CADPS: variants seen among roughly 807,000 people sequenced by gnomAD.
CADPS encodes the protein calcium-dependent secretion activator 1.
A neutral mutation model predicts 167.3 loss-of-function variants in CADPS; 57 were observed. The observed-to-expected ratio is 0.34, with a 90% CI of 0.28 to 0.42. CADPS has a LOEUF of 0.42. CADPS is among the 20% of genes least tolerant of loss of function. CADPS has a pLI of 1.00. For missense variants in CADPS, 1,414 were observed against 1,738.1 expected, an observed-to-expected ratio of 0.81 and a Z score of 3.32; for synonymous variants, 676 against 635.3, an observed-to-expected ratio of 1.06 and a Z score of -0.96.
In CADPS at chr3:62,569,000, C is replaced by T. The variant is rs189879600; in HGVS notation, c.1644+1872G>A. The stretch of plus-strand genomic sequence containing the variant: ...GTTCTCCATGTCCTCTCAATGCACT[C>T]CACACAAAGTAGGTGCTCAATAAAT... On this transcript the variant is annotated intron_variant, in intron 9 of 29. Coordinates refer to ENST00000383710, the MANE Select transcript of CADPS (RefSeq NM_003716.4). Among the ~76,000 whole-genome samples the T allele has an allele frequency of 7.2e-5, 11 of 152,332 alleles. No homozygotes were observed. The East Asian group carries it at 9.6e-4, about 13-fold the overall frequency.
rs751469048 is a variant in CADPS at position 62,594,434 on chromosome 3, T to A, written c.1326-1686A>T. Reference sequence around the variant, plus strand: ...CCTCGGCCTCCCAAAGTGCTGGGATTACAGGCGTGAGCCACCGCGCCCGGC... The same window carrying A: ...CCTCGGCCTCCCAAAGTGCTGGGATAACAGGCGTGAGCCACCGCGCCCGGC... On this transcript the variant is annotated intron_variant, in intron 6 of 29. Transcript: ENST00000383710. 3.9e-5 allele frequency among the ~76,000 whole-genome samples: 6 copies of A among 152,324 alleles called. No homozygotes were observed. In the East Asian group the frequency reaches 5.8e-4, roughly 15 times the overall value.
At chr3:62,671,924 G>A (rs1187638548) in intron 3 of CADPS, among the ~76,000 whole-genome samples, 1 of 151,954 alleles carries the variant, frequency 6.6e-6, no homozygotes, top group African/African-American at 2.4e-5. Flanking sequence ...CACCACGCCT[G>A]ACTAATTTTT....
intron 3 of CADPS, among the ~76,000 whole-genome samples, chr3:62,715,733 A>C (rs1189384540): frequency 1.3e-5 from 2 of 149,172 alleles, no homozygotes; most frequent in Non-Finnish European, 3.0e-5. Flanking sequence ...ACCACATTTC[A>C]ATTTATAATG....
At chr3:62,667,437 C>T (rs973820819) in intron 3 of CADPS, among the ~76,000 whole-genome samples, 3 of 152,006 alleles carry the variant, frequency 2.0e-5, no homozygotes, top group Non-Finnish European at 4.4e-5. Context: ...TCTCGGTGCA[C>T]AGTCCCTTCA....
intron 9 of CADPS, among the ~76,000 whole-genome samples, chr3:62,557,762 G>A (rs763840156): frequency 5.3e-5 from 8 of 152,204 alleles, no homozygotes; most frequent in Non-Finnish European, 1.2e-4. Flanking sequence ...ATGAGTTCAC[G>A]TGGGGAATGC....
intron 27 of CADPS, among the ~76,000 whole-genome samples, chr3:62,444,921 A>G (rs2056961034): frequency 6.6e-6 from 1 of 152,214 alleles, no homozygotes; most frequent in Non-Finnish European, 1.5e-5. Flanking sequence ...GGCTGTTGAG[A>G]TAAGCTCTCT....
At chr3:62,800,408 T>C (rs1343147565) in intron 1 of CADPS, among the ~76,000 whole-genome samples, 1 of 152,160 alleles carries the variant, frequency 6.6e-6, no homozygotes, top group African/African-American at 2.4e-5. Flanking sequence ...CCACTCCCTT[T>C]GAAGGTACTA....
chr3:62,415,849 G>C (rs1032263408), intron 28 of CADPS, among the ~76,000 whole-genome samples: 2 of 152,076 alleles, frequency 1.3e-5, no homozygotes, highest in Admixed American at 1.3e-4. Flanking sequence ...TTTTATGGGG[G>C]AAGTTGGGAG....
intron 1 of CADPS, among the ~76,000 whole-genome samples, chr3:62,834,241 G>A (rs1328736611): frequency 1.3e-5 from 2 of 152,130 alleles, no homozygotes; most frequent in Admixed American, 1.3e-4. Context: ...CTTCAGGCCT[G>A]GAAGCACCTG....
chr3:62,836,426 A>T lies in CADPS; in HGVS notation c.441+38163T>A, dbSNP rs900840127. Among the ~76,000 whole-genome samples the T allele has an allele frequency of 2.0e-5, 3 of 152,136 alleles. No individual in the cohort carries two copies. The South Asian group carries it at 6.2e-4, about 31-fold the overall frequency. ...GCAATAAAAATAAGACAGGGAGAAA[A>T]ATACGCACTAGATGCAAAAGGACCA... On this transcript the variant is annotated intron_variant, in intron 1 of 29. Coordinates refer to ENST00000383710, the MANE Select transcript of CADPS (RefSeq NM_003716.4).
At chr3:62,564,900 T>C (rs2152409168) in intron 9 of CADPS, among the ~76,000 whole-genome samples, 1 of 152,278 alleles carries the variant, frequency 6.6e-6, no homozygotes, top group South Asian at 2.1e-4. Context: ...CCACCATGTC[T>C]GGGCACCAGA....
At chr3:62,732,326 T>G (rs1355465150) in intron 3 of CADPS, among the ~76,000 whole-genome samples, 4 of 152,134 alleles carry the variant, frequency 2.6e-5, no homozygotes, top group African/African-American at 9.7e-5. Context: ...AGCTGGAAAG[T>G]GTCACATGGC....
chr3:62,598,136 A>G (rs1183083210), intron 6 of CADPS, among the ~76,000 whole-genome samples: 1 of 152,196 alleles, frequency 6.6e-6, no homozygotes, highest in Non-Finnish European at 1.5e-5. Context: ...CGAAGATAAA[A>G]TTATTAAGAA....
At chr3:62,576,925 T>C (rs1461722509) in intron 8 of CADPS, among the ~76,000 whole-genome samples, 1 of 151,972 alleles carries the variant, frequency 6.6e-6, no homozygotes, top group African/African-American at 2.4e-5. Context: ...TGTATCATGA[T>C]TTGAATGTAT....
At chr3:62,499,074 G>T (rs79210910) in intron 18 of CADPS, 88 bp downstream of exon 18, 2 of 719,760 alleles carry the variant, frequency 2.8e-6, no homozygotes, top group Admixed American at 2.1e-5. Context: ...GGGTGTTAAG[G>T]CATCTTATTC....
intron 6 of CADPS, among the ~76,000 whole-genome samples, chr3:62,640,836 G>A (rs145894964): frequency 2.6e-5 from 4 of 152,142 alleles, no homozygotes; most frequent in African/African-American, 7.2e-5. Flanking sequence ...AATCCTTGGG[G>A]CATGGTTATT....
chr3:62,595,461 T>G (rs2058773953), intron 6 of CADPS, among the ~76,000 whole-genome samples: 1 of 152,152 alleles, frequency 6.6e-6, no homozygotes, highest in Admixed American at 6.5e-5. Context: ...GGCAAGGAAT[T>G]AATGTCCCTG....
intron 13 of CADPS, among the ~76,000 whole-genome samples, chr3:62,529,269 T>C (rs1161501723): frequency 6.6e-6 from 1 of 152,204 alleles, no homozygotes; most frequent in Non-Finnish European, 1.5e-5. Context: ...AAACAAAGAT[T>C]CTGAAACACA....
intron 6 of CADPS, among the ~76,000 whole-genome samples, chr3:62,633,616 G>C (rs562932873): frequency 9.9e-5 from 15 of 152,160 alleles, no homozygotes; most frequent in African/African-American, 2.4e-4. Context: ...GTTCCCTCTT[G>C]CTTAGGTTTA....
Sources: allele counts gnomAD v4.1 joint callset (sites outside exome capture counted in the v4.1 genomes callset), GRCh38; gene constraint gnomAD v4.1.1; transcripts MANE v1.5; gene names NCBI Gene and HGNC (gene_info 2026-07-23, HGNC 2026-07-21).